The following RAB6A variants were observed in gnomAD, a reference collection of about 807,000 sequenced individuals.
RAB6A encodes ras-related protein Rab-6A.
RAB6A carries 8 observed loss-of-function variants against 32.3 expected under a neutral mutation model. The observed-to-expected ratio is 0.25, with a 90% CI of 0.15 to 0.45. The LOEUF (loss-of-function observed/expected upper bound fraction) is 0.45, where lower values mean the gene tolerates loss of function less well. RAB6A is among the 20% of genes least tolerant of loss of function. The probability of loss-of-function intolerance (pLI) is 1.00; values close to 1 mark genes in which losing one functional copy is unlikely to be tolerated. For synonymous variants in RAB6A, 73 were observed against 82.1 expected, an observed-to-expected ratio of 0.89 and a Z score of 0.60; for missense variants, 104 against 249.4, an observed-to-expected ratio of 0.42 and a Z score of 3.93.
Position 73,727,933 on chromosome 11 carries a change from A to G in RAB6A, c.129+2832T>C, listed in dbSNP as rs138723197. Reference sequence around the variant, plus strand: ...CAAGTTTTTATGCTAACTACAATACATATAAAATGGATAAGTAAATTAAGA... The same window carrying G: ...CAAGTTTTTATGCTAACTACAATACGTATAAAATGGATAAGTAAATTAAGA... On this transcript the variant is annotated intron_variant, in intron 2 of 7. Coordinates refer to ENST00000336083, the MANE Select transcript of RAB6A (RefSeq NM_198896.2). Among the ~76,000 whole-genome samples, 1,387 of 152,346 alleles carry G rather than the reference A, an allele frequency of 9.1e-3. 15 individuals carry two copies. Among genetic ancestry groups the G allele is most frequent in the Middle Eastern group, 0.034 (10 of 294 alleles).
At chr11:73,694,260 C>A (rs1945622698) in intron 6 of RAB6A, among the ~76,000 whole-genome samples, 1 of 152,192 alleles carries the variant, frequency 6.6e-6, no homozygotes, top group Non-Finnish European at 1.5e-5. Flanking sequence ...ACACTGAGTA[C>A]TTACTCTGTT....
intron 2 of RAB6A, among the ~76,000 whole-genome samples, chr11:73,726,443 G>A (rs189154977): frequency 2.0e-4 from 30 of 151,782 alleles, no homozygotes; most frequent in African/African-American, 6.8e-4. Flanking sequence ...TTAGCCAGGC[G>A]TGGTGGCAGG....
chr11:73,701,606 C>T lies in RAB6A; in HGVS notation c.495+5814G>A, dbSNP rs140003795. 6.6e-5 allele frequency among the ~76,000 whole-genome samples: 10 copies of T among 152,314 alleles called. No individual in the cohort carries two copies. The East Asian group carries it at 1.9e-3, about 29-fold the overall frequency. ...TATAAGACTAACACTCTTGTACATA[C>T]AGCAATGATTAACTCTGGATATGGG... On this transcript the variant is annotated intron_variant, in intron 6 of 7. Coordinates refer to ENST00000336083, the MANE Select transcript of RAB6A (RefSeq NM_198896.2).
chr11:73,703,221 C>G (rs2134910074), intron 6 of RAB6A, among the ~76,000 whole-genome samples: 1 of 152,164 alleles, frequency 6.6e-6, no homozygotes, highest in Admixed American at 6.6e-5. Flanking sequence ...GTAGTCAAAA[C>G]AGCAAATGAA....
intron 1 of RAB6A, among the ~76,000 whole-genome samples, chr11:73,741,914 A>G (rs990961422): frequency 6.6e-6 from 1 of 152,208 alleles, no homozygotes. Context: ...TTTCCTATAT[A>G]TCTCCTGCCT....
intron 6 of RAB6A, among the ~76,000 whole-genome samples, chr11:73,691,195 T>C (rs1022392199): frequency 8.5e-5 from 13 of 152,130 alleles, no homozygotes; most frequent in African/African-American, 2.4e-4. Context: ...AGAAGGGGGC[T>C]CTGGGGTGAG....
chr11:73,718,713 T>G lies in RAB6A; in HGVS notation c.189A>C (p.Arg63=), dbSNP rs373456006. 6.2e-7 allele frequency: 1 copy of G among 1,613,958 alleles called. No homozygotes were observed. The highest frequency in any genetic ancestry group is 1.3e-5 in the African/African-American group (1 of 74,964). The part of the protein sequence containing the change: ...KTMYLEDRTV[R]LQLWDTAGQE... ...GACCTGCTGTGTCCCATAATTGCAATCGTACCTAACAACAAAATCAGTCAA... is the reference window on the plus strand; with the variant it reads ...GACCTGCTGTGTCCCATAATTGCAAGCGTACCTAACAACAAAATCAGTCAA... Residue 63 remains arginine (R), a synonymous_variant, in exon 4 of 8, where the codon CGA becomes CGC. Coordinates refer to ENST00000336083, the MANE Select transcript of RAB6A (RefSeq NM_198896.2).
At chr11:73,752,409 T>C (rs1282728942) in intron 1 of RAB6A, among the ~76,000 whole-genome samples, 1 of 152,092 alleles carries the variant, frequency 6.6e-6, no homozygotes, top group Non-Finnish European at 1.5e-5. Flanking sequence ...TAAGCCAAGA[T>C]TGCACCATTG....
intron 6 of RAB6A, among the ~76,000 whole-genome samples, chr11:73,695,416 G>C (rs941669859): frequency 1.1e-4 from 17 of 149,430 alleles, no homozygotes; most frequent in African/African-American, 3.9e-4. Flanking sequence ...GTCTCGCTCT[G>C]TCACCCAGGC....
rs1946596862 is a variant in RAB6A at position 73,746,939 on chromosome 11, G to T, written c.70+13627C>A. Among the ~76,000 whole-genome samples, 4 of 152,030 alleles carry T rather than the reference G, an allele frequency of 2.6e-5. No homozygotes were observed. The South Asian group carries it at 8.3e-4, about 32-fold the overall frequency. Reference sequence around the variant, plus strand: ...AGTACACGTAGTAGGACTGTTTTTTGTTGTTGTTGTTTTTGAGACGGAGTC... The same window carrying T: ...AGTACACGTAGTAGGACTGTTTTTTTTTGTTGTTGTTTTTGAGACGGAGTC... On this transcript the variant is annotated intron_variant, in intron 1 of 7. Coordinates refer to ENST00000336083, the MANE Select transcript of RAB6A (RefSeq NM_198896.2).
At chr11:73,699,364 C>G (rs891681503) in intron 6 of RAB6A, among the ~76,000 whole-genome samples, 1 of 152,260 alleles carries the variant, frequency 6.6e-6, no homozygotes, top group African/African-American at 2.4e-5. Context: ...GGTCAAGTGA[C>G]GGTCCCATCT....
chr11:73,685,977 G>C (rs1188871652), intron 6 of RAB6A, among the ~76,000 whole-genome samples: 1 of 151,400 alleles, frequency 6.6e-6, no homozygotes, highest in Non-Finnish European at 1.5e-5. Flanking sequence ...TGCAGGCTTG[G>C]GGAACAGAGA....
At chr11:73,706,521 A>AG (rs1242598712) in intron 6 of RAB6A, among the ~76,000 whole-genome samples, 1 of 152,022 alleles carries the variant, frequency 6.6e-6, no homozygotes, top group African/African-American at 2.4e-5. Flanking sequence ...CTCAAAAAAA[A>AG]AAAAAAATTA....
intron 6 of RAB6A, among the ~76,000 whole-genome samples, chr11:73,692,141 A>C (rs919056357): frequency 6.6e-6 from 1 of 152,154 alleles, no homozygotes; most frequent in African/African-American, 2.4e-5. Flanking sequence ...GCTTATTTTC[A>C]TATCAAGTCA....
chr11:73,719,588 C>G (rs1337866053), intron 3 of RAB6A, among the ~76,000 whole-genome samples: 1 of 151,798 alleles, frequency 6.6e-6, no homozygotes, highest in African/African-American at 2.4e-5. Flanking sequence ...GTTCTTGCAT[C>G]ATGATAAAGT....
chr11:73,754,601 A>C (rs1946717776), intron 1 of RAB6A, among the ~76,000 whole-genome samples: 1 of 152,226 alleles, frequency 6.6e-6, no homozygotes, highest in Non-Finnish European at 1.5e-5. Flanking sequence ...TTTGGAAAAT[A>C]GTTCTTTTTC....
chr11:73,727,591 A>T (rs1437639573), intron 2 of RAB6A, among the ~76,000 whole-genome samples: 1 of 152,208 alleles, frequency 6.6e-6, no homozygotes, highest in Non-Finnish European at 1.5e-5. Context: ...AGACATAAAT[A>T]AAGGTGCTTC....
chr11:73,728,638 A>AATAATAATAATAATG (rs1189038093), intron 2 of RAB6A, among the ~76,000 whole-genome samples: 5 of 148,018 alleles, frequency 3.4e-5, no homozygotes, highest in Non-Finnish European at 7.4e-5. Flanking sequence ...TAATAATAAT[A>AATAATAATAATAATG]ATAATAATAA....
At position 73,714,206 on chromosome 11, in the gene RAB6A, A is replaced by AT. The variant is rs1187217016; in HGVS notation, c.401+2044_401+2045insA. 3.7e-3 allele frequency among the ~76,000 whole-genome samples: 291 copies of AT among 78,840 alleles called. 2 individuals carry two copies. The highest frequency in any genetic ancestry group is 0.014 in the Admixed American group (94 of 6,568). The allele number at this position is 78,840 out of a possible 152,430, so 51.7% of individuals were successfully genotyped here. ...GAACTCCATCTCAAAAAAAAAAAAA[A>AT]AAAATATATATATATATATATATAC... On this transcript the variant is annotated intron_variant, in intron 5 of 7. Transcript: ENST00000336083.
Sources: gnomAD v4.1 joint callset for allele counts (sites outside exome capture counted in the v4.1 genomes callset) on GRCh38, gnomAD v4.1.1 for gene constraint, MANE v1.5 for transcripts, NCBI Gene and HGNC (gene_info 2026-07-23, HGNC 2026-07-21) for gene names.